Variants in SYT1 observed in about 807,000 individuals in gnomAD.
SYT1 encodes the protein synaptotagmin-1.
In SYT1, 8 loss-of-function variants were observed where a neutral mutation model predicts 44.8. The ratio of observed to expected loss-of-function variants is 0.18; its 90% CI spans 0.10 to 0.32. The LOEUF (loss-of-function observed/expected upper bound fraction) is 0.32. SYT1 is among the 10% of genes least tolerant of loss of function. The pLI is 1.00. For synonymous variants in SYT1, 154 were observed against 188.8 expected (o/e 0.82, Z 1.51); for missense variants, 286 against 509.3 (o/e 0.56, Z 4.22).
intron 4 of SYT1, among the ~76,000 whole-genome samples, chr12:79,261,070 G>C (rs921433670): frequency 6.6e-6 from 1 of 152,016 alleles, no homozygotes; most frequent in Admixed American, 6.6e-5. Flanking sequence ...TTGTTCTTGG[G>C]GGTTGTAAAG....
intron 3 of SYT1, among the ~76,000 whole-genome samples, chr12:79,108,054 A>C (rs1043412174): frequency 1.3e-5 from 2 of 152,192 alleles, no homozygotes; most frequent in East Asian, 3.8e-4. Context: ...TACATTTGGA[A>C]CAATCAAAGT....
chr12:78,981,150 G>A (rs886624804), intron 2 of SYT1, among the ~76,000 whole-genome samples: 2 of 136,978 alleles, frequency 1.5e-5, no homozygotes, highest in East Asian at 2.1e-4. Context: ...TTTTTGAGAC[G>A]GAGTTTTGCT....
chr12:79,423,747 A>ATGTT (rs1869261750), intron 9 of SYT1, among the ~76,000 whole-genome samples: 1 of 151,898 alleles, frequency 6.6e-6, no homozygotes, highest in Non-Finnish European at 1.5e-5. Flanking sequence ...TATGGTCGAG[A>ATGTT]TGTTATTGCA....
At chr12:79,106,041 A>G (rs1015413893) in intron 3 of SYT1, among the ~76,000 whole-genome samples, 4 of 152,212 alleles carry the variant, frequency 2.6e-5, no homozygotes, top group Non-Finnish European at 4.4e-5. Flanking sequence ...ATTGAAATAC[A>G]GACGGTGGGG....
intron 8 of SYT1, among the ~76,000 whole-genome samples, chr12:79,317,206 G>T (rs1881132124): frequency 6.6e-6 from 1 of 152,048 alleles, no homozygotes; most frequent in Non-Finnish European, 1.5e-5. Context: ...CAGTATCTTT[G>T]TCACCACTTC....
chr12:78,941,118 G>A (rs1225499157), intron 1 of SYT1, among the ~76,000 whole-genome samples: 1 of 127,760 alleles, frequency 7.8e-6, no homozygotes, highest in East Asian at 2.4e-4. Context: ...CAGGTGGAGT[G>A]CAGTGGCACA....
chr12:79,350,329 T>C (rs1882839977), intron 8 of SYT1, among the ~76,000 whole-genome samples: 1 of 144,942 alleles, frequency 6.9e-6, no homozygotes, highest in Non-Finnish European at 1.5e-5. Flanking sequence ...CTCGGCTCAC[T>C]GCAAGCTCCG....
chr12:79,301,739 C>T (rs1197308459), intron 8 of SYT1, among the ~76,000 whole-genome samples: 1 of 152,066 alleles, frequency 6.6e-6, no homozygotes, highest in South Asian at 2.1e-4. Flanking sequence ...CACCATTGCA[C>T]TTACTGAGTA....
At position 79,215,962 on chromosome 12, in the gene SYT1, G is replaced by A. The variant is rs1240137333; in HGVS notation, c.-17-1541G>A. ...TTTTTTTTTTTTGAGACAGAGTTTC[G>A]CTCTTGTAGCCCAGGCTGGAGTGCA... is the stretch of plus-strand genomic sequence containing the variant. On this transcript the variant is annotated intron_variant, in intron 3 of 10. Coordinates refer to ENST00000261205, the MANE Select transcript of SYT1 (RefSeq NM_005639.3). Among the ~76,000 whole-genome samples, 6 of 93,736 alleles carry A rather than the reference G, an allele frequency of 6.4e-5. No individual in the cohort carries two copies. In the East Asian group the frequency reaches 9.9e-4, roughly 15 times the overall value. 61.5% of individuals were successfully genotyped at this position (93,736 alleles called of 152,430 possible). A position where few individuals can be genotyped will look rare whatever the true frequency, so the allele number is the denominator to read the frequency against.
chr12:79,244,847 T>A (rs760919350), intron 4 of SYT1, among the ~76,000 whole-genome samples: 3 of 152,204 alleles, frequency 2.0e-5, no homozygotes, highest in East Asian at 3.8e-4. Flanking sequence ...GGCTTTTTTT[T>A]AACTGAGATT....
At chr12:79,229,575 G>A (rs1875736626) in intron 4 of SYT1, among the ~76,000 whole-genome samples, 1 of 147,664 alleles carries the variant, frequency 6.8e-6, no homozygotes, top group Non-Finnish European at 1.5e-5. Flanking sequence ...ACCTAAAGCA[G>A]TAGGGTTTTT....
intron 2 of SYT1, among the ~76,000 whole-genome samples, chr12:79,020,156 T>A (rs1177546052): frequency 9.2e-5 from 14 of 152,042 alleles, no homozygotes; most frequent in Non-Finnish European, 1.5e-5. Context: ...ATACTAAGGA[T>A]GTTCTTCATC....
chr12:79,432,986 C>T (rs908613878), intron 9 of SYT1, among the ~76,000 whole-genome samples: 1 of 152,056 alleles, frequency 6.6e-6, no homozygotes, highest in Non-Finnish European at 1.5e-5. Flanking sequence ...ATTACCCAAC[C>T]CCCTAGGAAA....
intron 4 of SYT1, among the ~76,000 whole-genome samples, chr12:79,239,374 C>G (rs1876368187): frequency 6.6e-6 from 1 of 152,208 alleles, no homozygotes; most frequent in Non-Finnish European, 1.5e-5. Context: ...CCAAGAGAAG[C>G]CAACGGACAC....
At chr12:79,351,237 C>CT (rs1200280322) in intron 8 of SYT1, among the ~76,000 whole-genome samples, 1 of 152,156 alleles carries the variant, frequency 6.6e-6, no homozygotes, top group East Asian at 1.9e-4. Context: ...CTTTTTCAAA[C>CT]TGTACAAATA....
chr12:79,320,455 C>T (rs1288153569), intron 8 of SYT1, among the ~76,000 whole-genome samples: 1 of 151,972 alleles, frequency 6.6e-6, no homozygotes, highest in African/African-American at 2.4e-5. Context: ...TCATTTTGAC[C>T]AATTTTACAT....
chr12:79,258,410 T>C (rs995007910), intron 4 of SYT1, among the ~76,000 whole-genome samples: 2 of 152,176 alleles, frequency 1.3e-5, no homozygotes, highest in Admixed American at 6.5e-5. Flanking sequence ...CTTCCAAGGA[T>C]AGAGTGTGTA....
At chr12:79,341,587 C>T (rs902784744) in intron 8 of SYT1, among the ~76,000 whole-genome samples, 2 of 150,304 alleles carry the variant, frequency 1.3e-5, no homozygotes, top group South Asian at 2.1e-4. Context: ...GGAAGAAGAG[C>T]GTGGACTTTT....
rs1870601122 is a variant in SYT1 at position 79,156,460 on chromosome 12, TTGTTG to T, written c.-17-61041_-17-61037del. 4.6e-5 allele frequency among the ~76,000 whole-genome samples: 7 copies of T among 152,110 alleles called. 1 individual carries two copies. The highest frequency in any genetic ancestry group is 1.4e-4 in the African/African-American group (6 of 41,530). The stretch of plus-strand genomic sequence containing the variant: ...GTTGCTGCTGTTGTTGTTGTTGTTG[TTGTTG>T]TTGTTCTTGTTGTTGTTGTTGTTAT... On this transcript the variant is annotated intron_variant, in intron 3 of 10. Coordinates refer to ENST00000261205, the MANE Select transcript of SYT1 (RefSeq NM_005639.3).
Sources: allele counts gnomAD v4.1 joint callset (sites outside exome capture counted in the v4.1 genomes callset), GRCh38; gene constraint gnomAD v4.1.1; transcripts MANE v1.5; gene names NCBI Gene and HGNC (gene_info 2026-07-23, HGNC 2026-07-21).